The following LRRC37A2 variants were observed in gnomAD, a reference collection of about 807,000 sequenced individuals.
LRRC37A2 encodes the protein leucine-rich repeat-containing protein 37A2.
LRRC37A2 carries 9 observed loss-of-function variants against 68.8 expected under a neutral mutation model. The ratio of observed to expected loss-of-function variants is 0.13; its 90% CI spans 0.08 to 0.23. The LOEUF (loss-of-function observed/expected upper bound fraction) is 0.23, where lower values mean the gene tolerates loss of function less well. Ranked by LOEUF, LRRC37A2 falls within the 10% of genes least tolerant of loss-of-function variation. The pLI is 1.00. For synonymous variants in LRRC37A2, 63 were observed against 367.6 expected, an observed-to-expected ratio of 0.17 and a Z score of 9.48; for missense variants, 168 against 950.4, an observed-to-expected ratio of 0.18 and a Z score of 10.82.
chr17:46,976,822 A>G, the LRRC37A2 span, among the ~76,000 whole-genome samples: 2 of 152,204 alleles, frequency 1.3e-5, no homozygotes, highest in Admixed American at 6.5e-5. Flanking sequence ...CACCTACATG[A>G]CGAAGCCACT....
chr17:47,035,509 C>T, the LRRC37A2 span, among the ~76,000 whole-genome samples: 2 of 152,248 alleles, frequency 1.3e-5, no homozygotes, highest in South Asian at 4.1e-4. Flanking sequence ...CTTTGCAAGG[C>T]TGAGTGATAT....
chr17:46,720,409 G>A, the LRRC37A2 span, among the ~76,000 whole-genome samples: 7 of 152,066 alleles, frequency 4.6e-5, no homozygotes, highest in Admixed American at 2.6e-4. Context: ...TGTGGCTCAC[G>A]ATATGAGAAA....
chr17:46,824,688 C>T, the LRRC37A2 span, among the ~76,000 whole-genome samples: 1 of 152,252 alleles, frequency 6.6e-6, no homozygotes, highest in African/African-American at 2.4e-5. Context: ...CACTTAGCAG[C>T]CCCTCGAAAA....
chr17:46,747,844 C>A, the LRRC37A2 span, among the ~76,000 whole-genome samples: 1 of 152,078 alleles, frequency 6.6e-6, no homozygotes, highest in African/African-American at 2.4e-5. Context: ...GGGAGGAAAT[C>A]TCAAGGAAAT....
intron 8 of LRRC37A2, among the ~76,000 whole-genome samples, chr17:46,542,277 A>G (rs2055469730): frequency 6.8e-6 from 1 of 147,206 alleles, no homozygotes; most frequent in East Asian, 2.0e-4. Flanking sequence ...TCCAGCGTCT[A>G]AAAGATTTTC....
chr17:46,783,069 A>G, the LRRC37A2 span, among the ~76,000 whole-genome samples: 1 of 152,054 alleles, frequency 6.6e-6, no homozygotes, highest in Non-Finnish European at 1.5e-5. Flanking sequence ...CATTCTCTCA[A>G]CGGGGCTAGT....
the LRRC37A2 span, among the ~76,000 whole-genome samples, chr17:46,790,788 C>G: frequency 6.6e-6 from 1 of 152,252 alleles, no homozygotes; most frequent in African/African-American, 2.4e-5. Context: ...CACGCCCCTC[C>G]GTTTCCGTCC....
the LRRC37A2 span, among the ~76,000 whole-genome samples, chr17:47,013,856 T>G: frequency 1.3e-5 from 2 of 152,202 alleles, no homozygotes; most frequent in Non-Finnish European, 1.5e-5. Flanking sequence ...GTAACAGGGC[T>G]GGGCGCGGTG....
At chr17:46,778,688 CG>C in the LRRC37A2 span, among the ~76,000 whole-genome samples, 1 of 152,206 alleles carries the variant, frequency 6.6e-6, no homozygotes, top group Non-Finnish European at 1.5e-5. Context: ...CCAAAGTGTG[CG>C]TGGCTTTGAC....
the LRRC37A2 span, among the ~76,000 whole-genome samples, chr17:46,803,808 G>A: frequency 6.6e-6 from 1 of 152,206 alleles, no homozygotes; most frequent in Non-Finnish European, 1.5e-5. Flanking sequence ...ATGGGCCCCA[G>A]GCAGAGGCCT....
chr17:46,908,507 A>G, the LRRC37A2 span, among the ~76,000 whole-genome samples: 1 of 151,768 alleles, frequency 6.6e-6, no homozygotes, highest in African/African-American at 2.4e-5. Context: ...TGGAAGAGAG[A>G]AGGGCACAGG....
At chr17:47,028,212 C>A in the LRRC37A2 span, 2 of 1,058,112 alleles carry the variant, frequency 1.9e-6, no homozygotes, top group South Asian at 1.3e-5. Flanking sequence ...AAATTAGAAT[C>A]ATGGCAAATG....
chr17:46,986,650 C>T, the LRRC37A2 span, among the ~76,000 whole-genome samples: 2 of 152,282 alleles, frequency 1.3e-5, no homozygotes, highest in Non-Finnish European at 2.9e-5. Flanking sequence ...GTTGGTGGTT[C>T]CCTATTTAGC....
At chr17:46,900,202 TACACACACACACACACAC>T in the LRRC37A2 span, among the ~76,000 whole-genome samples, 3 of 101,156 alleles carry the variant, frequency 3.0e-5, no homozygotes, top group African/African-American at 1.5e-4. Flanking sequence ...TATATATATA[TACACACACACACACACAC>T]ATATATATAT....
At chr17:46,880,171 C>G in the LRRC37A2 span, among the ~76,000 whole-genome samples, 4 of 152,312 alleles carry the variant, frequency 2.6e-5, no homozygotes, top group Middle Eastern at 3.4e-3. Flanking sequence ...CATGGATGCC[C>G]CTGCCTGCCT....
At chr17:47,017,548 T>A in the LRRC37A2 span, 11 of 1,597,070 alleles carry the variant, frequency 6.9e-6, no homozygotes, top group Admixed American at 6.8e-5. Context: ...GCTGGAGAGC[T>A]GCCCCTGGAG....
At chr17:47,027,074 C>T in the LRRC37A2 span, among the ~76,000 whole-genome samples, 30 of 152,106 alleles carry the variant, frequency 2.0e-4, no homozygotes, top group African/African-American at 7.2e-4. Flanking sequence ...CCAGGCCTGG[C>T]TAATTTTTTC....
the LRRC37A2 span, among the ~76,000 whole-genome samples, chr17:46,805,948 C>A: frequency 2.0e-5 from 3 of 152,190 alleles, no homozygotes; most frequent in African/African-American, 7.2e-5. Flanking sequence ...ATGGAGCCTT[C>A]GGCAATGGAA....
the LRRC37A2 span, among the ~76,000 whole-genome samples, chr17:46,738,283 T>C: frequency 5.4e-4 from 83 of 152,310 alleles, no homozygotes; most frequent in East Asian, 0.014. Flanking sequence ...TTTGAGGATA[T>C]GTTCTGTGTA....
Sources: gnomAD v4.1 joint callset for allele counts (sites outside exome capture counted in the v4.1 genomes callset) on GRCh38, gnomAD v4.1.1 for gene constraint, MANE v1.5 for transcripts, NCBI Gene and HGNC (gene_info 2026-07-23, HGNC 2026-07-21) for gene names.